RNF114: variants seen among roughly 807,000 people sequenced by gnomAD.
RNF114 encodes E3 ubiquitin-protein ligase RNF114.
In RNF114, 6 loss-of-function variants were observed where a neutral mutation model predicts 28.4. That is an observed-to-expected ratio of 0.21 (90% CI 0.12 to 0.42). RNF114 has a LOEUF of 0.42. RNF114 is among the 10% of genes least tolerant of loss of function. The probability of loss-of-function intolerance (pLI) is 1.00; values close to 1 mark genes in which losing one functional copy is unlikely to be tolerated. For missense variants in RNF114, 249 were observed against 311.7 expected (o/e 0.80, Z 1.51); for synonymous variants, 115 against 116.7 (o/e 0.99, Z 0.09).
At chr20:49,936,677 C>A in intron 1 of RNF114, 125 bp downstream of exon 1, 1 of 1,231,434 alleles carries the variant, frequency 8.1e-7, no homozygotes, top group South Asian at 1.5e-5. Context: ...GGGGGTGTCC[C>A]CCGGGGCTCC....
At chr20:49,946,686 C>T (rs778196092) in intron 4 of RNF114, among the ~76,000 whole-genome samples, 10 of 151,950 alleles carry the variant, frequency 6.6e-5, no homozygotes, top group Admixed American at 1.3e-4. Context: ...GGATGGTACA[C>T]GAGTTCTCTG....
intron 4 of RNF114, 103 bp downstream of exon 4, chr20:49,946,353 C>G (rs1214442356): frequency 3.3e-6 from 2 of 614,070 alleles, no homozygotes; most frequent in Non-Finnish European, 5.7e-6. Context: ...TGCCCTTCAC[C>G]TAGATTGACA....
rs753628705 is a variant in RNF114 at position 49,945,259 on chromosome 20, G to C, written c.292-123G>C. 128 of 633,486 alleles carry C rather than the reference G, an allele frequency of 2.0e-4. 1 individual carries two copies. Among genetic ancestry groups the C allele is most frequent in the Admixed American group, 4.4e-4 (17 of 38,600 alleles). The allele number at this position is 633,486 out of a possible 1,614,324, so 39.2% of individuals were successfully genotyped here. On this transcript the variant is annotated intron_variant, in intron 2 of 5. Transcript: ENST00000244061. ...TTCAGCCCCATCAGCGTAGTCAGGA[G>C]TTTGGTGAGATTATTTGCCAGGGTG... is the stretch of plus-strand genomic sequence containing the variant.
Position 49,941,626 on chromosome 20 carries a change from G to A in RNF114, c.206G>A (p.Ser69Asn), listed in dbSNP as rs779743787. The A allele has an allele frequency of 1.9e-6, 3 of 1,612,852 alleles. No homozygotes were observed. The highest frequency in any genetic ancestry group is 2.5e-6 in the Non-Finnish European group (3 of 1,179,424). Residue 69 changes from serine (S) to asparagine (N), a missense_variant, in exon 2 of 6, where the codon AGC (serine) becomes AAC (asparagine). Around this residue, in one of 2 missense-constraint regions of RNF114, gnomAD observed 123 missense variants for 106.4 expected, o/e 1.16. Transcript: ENST00000244061. ...AAGCCTGTCTGTGGGGTGTGTCGCA[G>A]CGCTCTGGCACCTGGCGTCCGAGCC... ...PKKPVCGVCR[S>N]ALAPGVRAVE...
chr20:49,945,269 A>G (rs2090325342), intron 2 of RNF114, 113 bp from the exon 3 acceptor site: 1 of 649,756 alleles, frequency 1.5e-6, no homozygotes, highest in African/African-American at 1.8e-5. Context: ...GTTTGGTGAG[A>G]TTATTTGCCA....
intron 1 of RNF114, among the ~76,000 whole-genome samples, chr20:49,936,834 C>T (rs1246872904): frequency 6.6e-6 from 1 of 151,832 alleles, no homozygotes; most frequent in Non-Finnish European, 1.5e-5. Context: ...CCTTCCCACA[C>T]GTGATAGTGG....
At chr20:49,941,355 C>T (rs2090307043) in intron 1 of RNF114, 1 of 504,674 alleles carries the variant, frequency 2.0e-6, no homozygotes, top group Non-Finnish European at 3.5e-6. Flanking sequence ...CAGGAGTTTG[C>T]ATTTGTTTCT....
Position 49,952,301 on chromosome 20 carries a change from C to A in RNF114, c.*160C>A. On this transcript the variant is annotated 3_prime_UTR_variant, in exon 6 of 6. Coordinates refer to ENST00000244061, the MANE Select transcript of RNF114 (RefSeq NM_018683.4). ...TGACAGGGGAAGTGGGTCCCCAGGT[C>A]AGCCCTTCTCTTCCCTTTGGGCTCT... The A allele has an allele frequency of 1.5e-6, 1 of 654,394 alleles. No individual in the cohort carries two copies. The highest frequency in any genetic ancestry group is 1.7e-5 in the South Asian group (1 of 59,110). The allele number at this position is 654,394 out of a possible 1,614,324, so 40.5% of individuals were successfully genotyped here. A position where few individuals can be genotyped will look rare whatever the true frequency, so the allele number is the denominator to read the frequency against.
At chr20:49,951,377 C>T (rs2090354700) in intron 5 of RNF114, among the ~76,000 whole-genome samples, 1 of 151,870 alleles carries the variant, frequency 6.6e-6, no homozygotes, top group South Asian at 2.1e-4. Flanking sequence ...GCTATAGTTT[C>T]TGCTGTATTG....
intron 4 of RNF114, among the ~76,000 whole-genome samples, chr20:49,947,769 G>GTTTTTTTTTTTTTTTTTTTTTTT (rs71190519): frequency 4.0e-5 from 2 of 50,476 alleles, no homozygotes; most frequent in African/African-American, 1.7e-4. Context: ...CCCTCTGCAA[G>GTTTTTTTTTTTTTTTTTTTTTTT]TTTTTTTTTT....
At chr20:49,939,442 C>T (rs941611499) in intron 1 of RNF114, among the ~76,000 whole-genome samples, 9 of 151,182 alleles carry the variant, frequency 6.0e-5, no homozygotes, top group African/African-American at 2.2e-4. Context: ...CATTATATAT[C>T]TTTAGTTCTT....
rs187181550 is a variant in RNF114 at position 49,945,941 on chromosome 20, C to T, written c.399-195C>T. ...TTGGCCTCCCAAAGTGCTGCGATTA[C>T]AGGCGTAAACCACCACGCCCGGCCA... On this transcript the variant is annotated intron_variant, in intron 3 of 5. Coordinates refer to ENST00000244061, the MANE Select transcript of RNF114 (RefSeq NM_018683.4). Among the ~76,000 whole-genome samples, 162 of 152,372 alleles carry T rather than the reference C, an allele frequency of 1.1e-3. 1 individual carries two copies. Among genetic ancestry groups the T allele is most frequent in the Non-Finnish European group, 1.8e-3 (125 of 68,040 alleles).
chr20:49,948,692 C>G (rs2090344675), intron 4 of RNF114, among the ~76,000 whole-genome samples: 1 of 152,156 alleles, frequency 6.6e-6, no homozygotes, highest in Non-Finnish European at 1.5e-5. Flanking sequence ...CCGCTTTGGC[C>G]TCCCAAAGTG....
Position 49,952,727 on chromosome 20 carries a change from TCTA to T in RNF114, c.*594_*596del, listed in dbSNP as rs2090359760. On this transcript the variant is annotated 3_prime_UTR_variant, in exon 6 of 6. Coordinates refer to ENST00000244061, the MANE Select transcript of RNF114 (RefSeq NM_018683.4). ...CTGGAAGTTTTGATTAGTGATATTT[TCTA>T]CTACTACATATTTAGAGTTCACTGG... 2 of 156,130 alleles carry T rather than the reference TCTA, an allele frequency of 1.3e-5. No individual in the cohort carries two copies. The highest frequency in any genetic ancestry group is 4.8e-5 in the African/African-American group (2 of 41,540). 9.7% of individuals were successfully genotyped at this position (156,130 alleles called of 1,614,324 possible). A position where few individuals can be genotyped will look rare whatever the true frequency, so the allele number is the denominator to read the frequency against.
At chr20:49,948,717 G>T (rs2090344802) in intron 4 of RNF114, among the ~76,000 whole-genome samples, 1 of 152,154 alleles carries the variant, frequency 6.6e-6, no homozygotes, top group African/African-American at 2.4e-5. Context: ...GATTACAAGT[G>T]TGAGCCACTG....
chr20:49,941,816 A>G (rs757834583), intron 2 of RNF114, 105 bp downstream of exon 2: 9 of 1,225,346 alleles, frequency 7.3e-6, no homozygotes, highest in Non-Finnish European at 9.3e-6. Flanking sequence ...CTAGGTCACT[A>G]ACAGCACGCG....
intron 5 of RNF114, 117 bp from the exon 6 acceptor site, chr20:49,951,959 A>T: frequency 1.4e-6 from 1 of 706,998 alleles, no homozygotes; most frequent in Non-Finnish European, 2.6e-6. Flanking sequence ...TGCACTGGGG[A>T]TCCGGTCCCT....
intron 5 of RNF114, 126 bp downstream of exon 5, chr20:49,949,481 C>T (rs1251098642): frequency 1.1e-5 from 8 of 756,254 alleles, no homozygotes; most frequent in Non-Finnish European, 1.4e-5. Flanking sequence ...GGCTTCCAGT[C>T]TGTATACTGG....
Position 49,936,440 on chromosome 20 carries a change from G to A in RNF114, c.28G>A (p.Gly10Ser). 6.5e-7 allele frequency: 1 copy of A among 1,540,998 alleles called. No individual in the cohort carries two copies. The highest frequency in any genetic ancestry group is 8.7e-7 in the Non-Finnish European group (1 of 1,144,616). ...GGCGGCGCAACAGCGGGACTGCGGGGGTGCTGCGCAGCTGGCGGGGCCGGC... is the reference window on the plus strand; with the variant it reads ...GGCGGCGCAACAGCGGGACTGCGGGAGTGCTGCGCAGCTGGCGGGGCCGGC... MAAQQRDCG[G>S]AAQLAGPAAE... Residue 10 changes from glycine to serine, a missense_variant, in exon 1 of 6, where the codon GGT becomes AGT. Coordinates refer to ENST00000244061, the MANE Select transcript of RNF114 (RefSeq NM_018683.4).
Sources: allele counts gnomAD v4.1 joint callset (sites outside exome capture counted in the v4.1 genomes callset), GRCh38; gene constraint gnomAD v4.1.1; regional missense constraint gnomAD v4.1.1; transcripts MANE v1.5; gene names NCBI Gene and HGNC (gene_info 2026-07-23, HGNC 2026-07-21).